The following GREB1L variants were observed in gnomAD, a reference collection of about 807,000 sequenced individuals.
The protein encoded by GREB1L is GREB1 like retinoic acid receptor coactivator, also known as GREB1-like protein.
A neutral mutation model predicts 200.8 loss-of-function variants in GREB1L; 17 were observed. That is an observed-to-expected ratio of 0.08 (90% CI 0.06 to 0.13). The LOEUF is 0.13. Ranked by LOEUF, GREB1L falls within the 10% of genes least tolerant of loss-of-function variation. The pLI, the probability that GREB1L is intolerant of heterozygous loss-of-function variation, is 1.00. For synonymous variants in GREB1L, 789 were observed against 893.0 expected (o/e 0.88, Z 2.08); for missense variants, 1,657 against 2,367.7 (o/e 0.70, Z 6.23).
At chr18:21,383,811 C>A (rs1669175288) in intron 3 of GREB1L, 136 bp downstream of exon 3, 1 of 829,432 alleles carries the variant, frequency 1.2e-6, no homozygotes, top group Non-Finnish European at 1.9e-6. Flanking sequence ...CTCCTGGGTT[C>A]AAGCAATTCT....
At chr18:21,451,740 T>C (rs1371548283) in intron 13 of GREB1L, among the ~76,000 whole-genome samples, 1 of 152,008 alleles carries the variant, frequency 6.6e-6, no homozygotes, top group Admixed American at 6.6e-5. Flanking sequence ...GCAATCCTCC[T>C]GTGCCTTGGC....
chr18:21,283,842 C>G (rs2038310671), intron 1 of GREB1L, among the ~76,000 whole-genome samples: 1 of 152,182 alleles, frequency 6.6e-6, no homozygotes, highest in African/African-American at 2.4e-5. Context: ...CCAGGATCAA[C>G]TTGGTTCCTA....
At position 21,395,424 on chromosome 18, in the gene GREB1L, T is replaced by G. The variant is rs774936181; in HGVS notation, c.395T>G (p.Leu132Arg). The G allele has an allele frequency of 9.5e-5, 148 of 1,551,154 alleles. No individual in the cohort carries two copies. Among genetic ancestry groups the G allele is most frequent in the Non-Finnish European group, 1.2e-4 (141 of 1,146,848 alleles). ...QAGKDLRLVS[L>R]CMEQIDIPAG... ...GGAAAGGATTTGCGTTTGGTATCAC[T>G]GTGTATGGAACAAATTGACATCCCA... The change falls in exon 5 of 33, where the codon CTG becomes CGG. Residue 132 changes from leucine (L) to arginine (R), a missense_variant. Physicochemically the swap from Leu to Arg is moderately radical, Grantham distance 102. Transcript: ENST00000424526.
chr18:21,516,831 A>T (rs925577603), intron 30 of GREB1L, 77 bp downstream of exon 30: 1 of 1,289,664 alleles, frequency 7.8e-7, no homozygotes, highest in African/African-American at 1.5e-5. Flanking sequence ...AGATGTTGGC[A>T]TTAAGCACTT....
chr18:21,363,299 C>CCCCCCCCCCCCCCCCCCCCCACA (rs1555631604), intron 1 of GREB1L, among the ~76,000 whole-genome samples: 1 of 105,528 alleles, frequency 9.5e-6, no homozygotes, highest in African/African-American at 4.0e-5. Flanking sequence ...CCCCCCCCCC[C>CCCCCCCCCCCCCCCCCCCCCACA]CACACACACA....
intron 17 of GREB1L, among the ~76,000 whole-genome samples, chr18:21,478,000 G>C (rs550123772): frequency 2.6e-4 from 40 of 152,130 alleles, no homozygotes; most frequent in Non-Finnish European, 5.0e-4. Context: ...TCAATATCCT[G>C]GATTTCCTTT....
intron 7 of GREB1L, among the ~76,000 whole-genome samples, chr18:21,421,086 A>C (rs1282891169): frequency 6.6e-6 from 1 of 152,244 alleles, no homozygotes; most frequent in African/African-American, 2.4e-5. Flanking sequence ...TAGTGGCAGA[A>C]AACAGATCAG....
intron 1 of GREB1L, among the ~76,000 whole-genome samples, chr18:21,331,831 A>G (rs910402287): frequency 3.3e-5 from 5 of 152,356 alleles, no homozygotes; most frequent in African/African-American, 9.6e-5. Flanking sequence ...TAACAAGGCA[A>G]TGAATTCTAT....
chr18:21,429,465 C>T (rs1161606371), intron 7 of GREB1L, among the ~76,000 whole-genome samples: 1 of 151,556 alleles, frequency 6.6e-6, no homozygotes, highest in Non-Finnish European at 1.5e-5. Flanking sequence ...ACTTCAGCCT[C>T]CTGAGTAGCT....
chr18:21,508,521 T>C lies in GREB1L; in HGVS notation c.4665T>C (p.Pro1555=), dbSNP rs2037107559. 1.9e-6 allele frequency: 3 copies of C among 1,551,678 alleles called. No individual in the cohort carries two copies. The highest frequency in any genetic ancestry group is 2.6e-6 in the Non-Finnish European group (3 of 1,147,022). The change falls in exon 27 of 33, where the codon CCT becomes CCC. Residue 1555 remains proline, a synonymous_variant. Transcript: ENST00000424526. ...TGGTGGTCAAAGAGTATGAGATGCC[T>C]CTGTACCGCAAGTACTGGCCCAACC... is the stretch of plus-strand genomic sequence containing the variant. ...HLLVVKEYEM[P]LYRKYWPNHI... is the part of the protein sequence containing the mutation.
chr18:21,288,895 G>A (rs2038401621), intron 1 of GREB1L, among the ~76,000 whole-genome samples: 2 of 152,016 alleles, frequency 1.3e-5, no homozygotes, highest in Admixed American at 6.6e-5. Flanking sequence ...CCACCACCAC[G>A]CCCAGCTAAT....
At chr18:21,510,296 G>A (rs1319535218) in intron 27 of GREB1L, among the ~76,000 whole-genome samples, 3 of 151,292 alleles carry the variant, frequency 2.0e-5, no homozygotes, top group African/African-American at 2.4e-5. Context: ...ATTGTTTTAA[G>A]ACTGATTTCC....
chr18:21,515,499 G>T lies in GREB1L; in HGVS notation c.4984G>T (p.Val1662Phe). Residue 1662 changes from valine to phenylalanine, a missense_variant, in exon 29 of 33, where the codon GTC becomes TTC. Physicochemically the swap from Val to Phe is conservative, Grantham distance 50. This residue lies in a region of GREB1L where 151 missense variants were observed against 309.6 expected (regional missense o/e 0.49). Coordinates refer to ENST00000424526, the MANE Select transcript of GREB1L (RefSeq NM_001142966.3). Reference sequence around the variant, plus strand: ...GCACATTGAAGCCACACCAAAAATTGTCCACTATGCAATCTTGGGCATACA... The same window carrying T: ...GCACATTGAAGCCACACCAAAAATTTTCCACTATGCAATCTTGGGCATACA... The part of the protein sequence containing the change: ...LQHIEATPKI[V>F]HYAILGIQKW... The T allele has an allele frequency of 6.4e-7, 1 of 1,551,630 alleles. No homozygotes were observed. The highest frequency in any genetic ancestry group is 2.4e-5 in the East Asian group (1 of 40,922).
chr18:21,254,061 A>ATTTT lies in GREB1L; in HGVS notation c.-120+11691_-120+11694dup, dbSNP rs547876546. On this transcript the variant is annotated intron_variant, in intron 1 of 32. Transcript: ENST00000424526. ...CTTTGCTGTCCAGGCTTTCAGGCAT[A>ATTTT]TTTTTTTTTTTTTTTTTTTTTTTTT... 1.6e-3 allele frequency among the ~76,000 whole-genome samples: 113 copies of ATTTT among 70,426 alleles called. 17 individuals carry two copies. Among genetic ancestry groups the ATTTT allele is most frequent in the African/African-American group, 6.7e-3 (99 of 14,876 alleles). 46.2% of individuals were successfully genotyped at this position (70,426 alleles called of 152,430 possible). A position where few individuals can be genotyped will look rare whatever the true frequency, so the allele number is the denominator to read the frequency against.
At position 21,384,283 on chromosome 18, in the gene GREB1L, A is replaced by G; in HGVS notation, c.235A>G (p.Asn79Asp). The G allele has an allele frequency of 6.4e-7, 1 of 1,551,122 alleles. No homozygotes were observed. Among genetic ancestry groups the G allele is most frequent in the Non-Finnish European group, 8.7e-7 (1 of 1,146,402 alleles). The change falls in exon 4 of 33, where the codon AAC (asparagine) becomes GAC (aspartate). Residue 79 changes from asparagine (N) to aspartate (D), a missense_variant. Asn to Asp is a conservative substitution (Grantham distance 23, BLOSUM62 1). This residue lies in a region of GREB1L where 121 missense variants were observed against 126.6 expected (regional missense o/e 0.96). Coordinates refer to ENST00000424526, the MANE Select transcript of GREB1L (RefSeq NM_001142966.3). ...TCAAAATGGAAGTCTGGATTTTTCT[A>G]ACAATCTAACAGTTAATGAAATGGA... ...YTQNGSLDFSNNLTVNEMEDD... is the reference protein window; with the variant it reads ...YTQNGSLDFSDNLTVNEMEDD...
intron 11 of GREB1L, among the ~76,000 whole-genome samples, chr18:21,446,669 C>A (rs148093479): frequency 2.4e-4 from 37 of 152,132 alleles, no homozygotes; most frequent in African/African-American, 6.3e-4. Context: ...TTATTTATTT[C>A]TTTATTTCTT....
chr18:21,450,709 T>C, intron 12 of GREB1L: 1 of 205,128 alleles, frequency 4.9e-6, no homozygotes, highest in South Asian at 1.1e-4. Context: ...GCCATGGTGT[T>C]GCTCACAGCC....
At chr18:21,470,368 A>G (rs2035435838) in intron 15 of GREB1L, among the ~76,000 whole-genome samples, 1 of 152,182 alleles carries the variant, frequency 6.6e-6, no homozygotes, top group Admixed American at 6.5e-5. Context: ...TTTAATTTTT[A>G]TTTTATGATA....
chr18:21,306,528 A>G (rs1484862162), intron 1 of GREB1L, among the ~76,000 whole-genome samples: 1 of 152,242 alleles, frequency 6.6e-6, no homozygotes, highest in African/African-American at 2.4e-5. Flanking sequence ...CTTGAACAAC[A>G]GTACGAAGTG....
Sources: gnomAD v4.1 joint callset for allele counts (sites outside exome capture counted in the v4.1 genomes callset) on GRCh38, gnomAD v4.1.1 for gene constraint, gnomAD v4.1.1 regional missense constraint, MANE v1.5 for transcripts, NCBI Gene and HGNC (gene_info 2026-07-23, HGNC 2026-07-21) for gene names.